SMYD2: variants seen among roughly 807,000 people sequenced by gnomAD.
SMYD2 encodes N-lysine methyltransferase SMYD2.
In SMYD2, 53 loss-of-function variants were observed where a neutral mutation model predicts 59.1. The ratio of observed to expected loss-of-function variants is 0.90; its 90% confidence interval spans 0.72 to 1.13. SMYD2 has a LOEUF of 1.13. SMYD2 is among the 50% of genes most tolerant of loss of function. SMYD2 has a pLI of 0.00. For missense variants in SMYD2, 494 were observed against 544.7 expected (o/e 0.91, Z 0.93); for synonymous variants, 208 against 198.8 (o/e 1.05, Z -0.39).
rs1455474656 is a variant in SMYD2, at chr1:214,331,090, T to G, written c.937+20T>G. On this transcript the variant is annotated intron_variant, in intron 9 of 11. Coordinates refer to ENST00000366957, the MANE Select transcript of SMYD2 (RefSeq NM_020197.3). ...ATAAATATATCCTTTACAACTGCCC[T>G]GATAGCTTATTATCCCTCGCCAACA... 1.2e-6 allele frequency: 2 copies of G among 1,611,600 alleles called. No individual in the cohort carries two copies. The highest frequency in any genetic ancestry group is 2.7e-5 in the African/African-American group (2 of 74,892).
At chr1:214,304,580 A>AAAAC (rs1284865678) in intron 1 of SMYD2, among the ~76,000 whole-genome samples, 2 of 151,514 alleles carry the variant, frequency 1.3e-5, no homozygotes, top group Non-Finnish European at 1.5e-5. Context: ...AAAAAAAAAA[A>AAAAC]AAGCATCTAT....
In SMYD2 at chr1:214,332,137, A is replaced by G. The variant is rs1419309224; in HGVS notation, c.1057A>G (p.Met353Val). Residue 353 changes from methionine to valine, a missense_variant, in exon 10 of 12, where the codon ATG becomes GTG. By Grantham distance (21) the Met-to-Val change is conservative (BLOSUM62 1). Transcript: ENST00000366957. The part of the protein sequence containing the change: ...MYQAMGVCLY[M>V]QDWEGALQYG... ...CCAGGCCATGGGTGTCTGCTTGTAC[A>G]TGCAGGACTGGGAAGGAGCCCTGCA... 6.2e-7 allele frequency: 1 copy of G among 1,614,104 alleles called. No individual in the cohort carries two copies. Among genetic ancestry groups the G allele is most frequent in the African/African-American group, 1.3e-5 (1 of 74,940 alleles).
At chr1:214,288,041 G>C (rs1051173080) in intron 1 of SMYD2, among the ~76,000 whole-genome samples, 1 of 152,188 alleles carries the variant, frequency 6.6e-6, no homozygotes, top group African/African-American at 2.4e-5. Context: ...GTTTGGAACC[G>C]ATTTCAGATG....
At chr1:214,301,106 T>G (rs1656816786) in intron 1 of SMYD2, among the ~76,000 whole-genome samples, 1 of 152,224 alleles carries the variant, frequency 6.6e-6, no homozygotes, top group East Asian at 1.9e-4. Context: ...TAAATTTTTG[T>G]AAGTCTCTTT....
intron 1 of SMYD2, among the ~76,000 whole-genome samples, chr1:214,296,354 C>G (rs893814943): frequency 1.3e-5 from 2 of 152,210 alleles, no homozygotes; most frequent in South Asian, 2.1e-4. Flanking sequence ...TAATCAAATA[C>G]TTGCATTTTC....
intron 1 of SMYD2, among the ~76,000 whole-genome samples, chr1:214,303,375 G>A (rs1260282578): frequency 6.6e-6 from 1 of 152,110 alleles, no homozygotes; most frequent in Non-Finnish European, 1.5e-5. Flanking sequence ...TGCATTTCCC[G>A]AGAGAGCAAG....
chr1:214,321,819 A>G (rs1657176730), intron 5 of SMYD2, among the ~76,000 whole-genome samples: 2 of 152,248 alleles, frequency 1.3e-5, no homozygotes, highest in South Asian at 4.1e-4. Flanking sequence ...GTTTCTTAAC[A>G]TGCAAGTTCA....
At position 214,327,679 on chromosome 1, in the gene SMYD2, C is replaced by G; in HGVS notation, c.660C>G (p.Thr220=). ...CPNVIVTYKG[T]LAEVRAVQEI... Reference sequence around the variant, plus strand: ...ATGTCATTGTGACCTACAAAGGGACCCTGGCAGAAGTCAGAGCTGTACAGG... The same window carrying G: ...ATGTCATTGTGACCTACAAAGGGACGCTGGCAGAAGTCAGAGCTGTACAGG... The change falls in exon 7 of 12, where the codon ACC becomes ACG. Residue 220 remains threonine, a synonymous_variant. Coordinates refer to ENST00000366957, the MANE Select transcript of SMYD2 (RefSeq NM_020197.3). 6 of 1,614,078 alleles carry G rather than the reference C, an allele frequency of 3.7e-6. No homozygotes were observed. Among genetic ancestry groups the G allele is most frequent in the Non-Finnish European group, 5.1e-6 (6 of 1,180,004 alleles).
At chr1:214,291,631 T>C (rs1558048427) in intron 1 of SMYD2, among the ~76,000 whole-genome samples, 1 of 152,248 alleles carries the variant, frequency 6.6e-6, no homozygotes, top group African/African-American at 2.4e-5. Flanking sequence ...ACATTTGTTA[T>C]GTTTTTATCT....
chr1:214,289,638 CA>C (rs1394438576), intron 1 of SMYD2, among the ~76,000 whole-genome samples: 1 of 152,228 alleles, frequency 6.6e-6, no homozygotes, highest in Non-Finnish European at 1.5e-5. Context: ...TCTTTGAATA[CA>C]TGTGTATGTG....
intron 1 of SMYD2, among the ~76,000 whole-genome samples, chr1:214,291,928 G>A (rs1047672379): frequency 7.2e-5 from 11 of 151,892 alleles, no homozygotes; most frequent in African/African-American, 2.4e-4. Context: ...AAACCTTTAG[G>A]GTTTTTGTTT....
intron 1 of SMYD2, among the ~76,000 whole-genome samples, chr1:214,290,819 T>G (rs1402277206): frequency 1.3e-5 from 2 of 152,210 alleles, no homozygotes; most frequent in African/African-American, 4.8e-5. Flanking sequence ...TGTGTTCTGT[T>G]TAATCTGAGT....
In SMYD2 at chr1:214,281,298, CGGGCAAAGGCCGGGGGCT is replaced by C. The variant is rs749162824; in HGVS notation, c.46_63del (p.Gly16_Leu21del). 1 of 1,356,068 alleles carries C rather than the reference CGGGCAAAGGCCGGGGGCT, an allele frequency of 7.4e-7. No individual in the cohort carries two copies. Among genetic ancestry groups the C allele is most frequent in the Non-Finnish European group, 9.6e-7 (1 of 1,045,486 alleles). 84.0% of individuals were successfully genotyped at this position (1,356,068 alleles called of 1,614,324 possible). A position where few individuals can be genotyped will look rare whatever the true frequency, so the allele number is the denominator to read the frequency against. On this transcript the variant is annotated inframe_deletion, in exon 1 of 12. Coordinates refer to ENST00000366957, the MANE Select transcript of SMYD2 (RefSeq NM_020197.3). Reference sequence around the variant, plus strand: ...GGCGGCCTGGAGCGCTTCTGCAGCCCGGGCAAAGGCCGGGGGCTGCGGGCTCTGCAGCCCTTCCAGGTG... The same window carrying C: ...GGCGGCCTGGAGCGCTTCTGCAGCCCGCGGGCTCTGCAGCCCTTCCAGGTG...
chr1:214,305,439 G>A (rs894989914), intron 2 of SMYD2, among the ~76,000 whole-genome samples, 189 bp downstream of exon 2: 3 of 152,212 alleles, frequency 2.0e-5, no homozygotes, highest in South Asian at 2.1e-4. Flanking sequence ...GTTTGAGGCC[G>A]CATGCAGGAC....
At chr1:214,297,534 C>T (rs1558049983) in intron 1 of SMYD2, among the ~76,000 whole-genome samples, 2 of 152,096 alleles carry the variant, frequency 1.3e-5, no homozygotes, top group African/African-American at 4.8e-5. Context: ...CAGCAATAGT[C>T]GAACACTCAT....
intron 7 of SMYD2, among the ~76,000 whole-genome samples, chr1:214,328,117 TA>T (rs1410667183): frequency 6.6e-6 from 1 of 152,132 alleles, no homozygotes; most frequent in Non-Finnish European, 1.5e-5. Flanking sequence ...GCTTGAGCCT[TA>T]TTTTATTTTA....
chr1:214,332,175 A>G lies in SMYD2; in HGVS notation c.1095A>G (p.Lys365=), dbSNP rs779509405. 5 of 1,614,088 alleles carry G rather than the reference A, an allele frequency of 3.1e-6. No homozygotes were observed. The highest frequency in any genetic ancestry group is 3.3e-4 in the Middle Eastern group (2 of 6,062). ...AAGGAGCCCTGCAATATGGACAGAA[A>G]ATCATTAAGCCCTACAGGTGATTGC... ...DWEGALQYGQ[K]IIKPYSKHYP... is the part of the protein sequence containing the mutation. The change falls in exon 10 of 12, where the codon AAA becomes AAG. Residue 365 remains lysine (K), a synonymous_variant. Transcript: ENST00000366957.
intron 2 of SMYD2, among the ~76,000 whole-genome samples, chr1:214,314,277 C>T (rs1240140537): frequency 6.6e-6 from 1 of 152,152 alleles, no homozygotes; most frequent in Non-Finnish European, 1.5e-5. Flanking sequence ...CTTCATGAAA[C>T]CCTCATTTGT....
chr1:214,314,279 C>G (rs1657046358), intron 2 of SMYD2, among the ~76,000 whole-genome samples: 1 of 152,156 alleles, frequency 6.6e-6, no homozygotes, highest in Non-Finnish European at 1.5e-5. Context: ...TCATGAAACC[C>G]TCATTTGTGC....
Sources: allele counts gnomAD v4.1 joint callset (sites outside exome capture counted in the v4.1 genomes callset), GRCh38; gene constraint gnomAD v4.1.1; transcripts MANE v1.5; gene names NCBI Gene and HGNC (gene_info 2026-07-23, HGNC 2026-07-21).